Variants in KCNIP4 observed in about 807,000 individuals in gnomAD.
KCNIP4 encodes the protein potassium voltage-gated channel interacting protein 4.
Under a neutral mutation model 34.0 loss-of-function variants are expected in KCNIP4, and 12 were observed. That is an observed-to-expected ratio of 0.35 (90% confidence interval 0.23 to 0.57). KCNIP4 has a LOEUF of 0.57. KCNIP4 is among the 20% of genes least tolerant of loss of function. The probability of loss-of-function intolerance (pLI) is 0.83; values close to 1 mark genes in which losing one functional copy is unlikely to be tolerated. For missense variants in KCNIP4, 238 were observed against 311.7 expected (o/e 0.76, Z 1.78); for synonymous variants, 124 against 102.2 (o/e 1.21, Z -1.29).
intron 1 of KCNIP4, among the ~76,000 whole-genome samples, chr4:21,801,751 AGCGCGT>A (rs1029625228): frequency 2.0e-5 from 3 of 152,002 alleles, no homozygotes; most frequent in African/African-American, 7.2e-5. Flanking sequence ...TGGGACTACC[AGCGCGT>A]GCCACCATGC....
At chr4:21,215,773 G>A (rs73109450) in intron 1 of KCNIP4, among the ~76,000 whole-genome samples, 4,401 of 152,202 alleles carry the variant, frequency 0.029, 213 homozygotes, top group African/African-American at 0.1. Flanking sequence ...TAAAATTAAA[G>A]GTTAAAGTCT....
chr4:21,745,041 G>A (rs1716678817), intron 1 of KCNIP4, among the ~76,000 whole-genome samples: 1 of 152,134 alleles, frequency 6.6e-6, no homozygotes, highest in African/African-American at 2.4e-5. Flanking sequence ...ACAGTGCCTT[G>A]CAGAGATGGC....
chr4:21,907,732 T>C (rs998027802), intron 1 of KCNIP4, among the ~76,000 whole-genome samples: 4 of 152,162 alleles, frequency 2.6e-5, no homozygotes, highest in Non-Finnish European at 4.4e-5. Flanking sequence ...TTTTAAATAT[T>C]TTTTCCATGT....
At chr4:21,300,756 T>G (rs1711579726) in intron 1 of KCNIP4, among the ~76,000 whole-genome samples, 1 of 152,144 alleles carries the variant, frequency 6.6e-6, no homozygotes, top group Non-Finnish European at 1.5e-5. Context: ...AGTCTAACCA[T>G]TATACTGTAT....
intron 1 of KCNIP4, among the ~76,000 whole-genome samples, chr4:21,517,221 A>G (rs1734839756): frequency 6.6e-6 from 1 of 152,122 alleles, no homozygotes; most frequent in Non-Finnish European, 1.5e-5. Flanking sequence ...AATGAGTACA[A>G]CATACTCAGA....
At chr4:21,628,507 GCAGTA>G (rs1445242815) in intron 1 of KCNIP4, among the ~76,000 whole-genome samples, 1 of 152,150 alleles carries the variant, frequency 6.6e-6, no homozygotes, top group Non-Finnish European at 1.5e-5. Context: ...AATACTAGTG[GCAGTA>G]CAGTAAAGTG....
In KCNIP4 at chr4:21,642,586, C is replaced by T. The variant is rs115889406; in HGVS notation, c.61+305985G>A. 7.4e-3 allele frequency among the ~76,000 whole-genome samples: 1,127 copies of T among 152,216 alleles called. 12 individuals are homozygous for T. The highest frequency in any genetic ancestry group is 0.025 in the African/African-American group (1,049 of 41,538). On this transcript the variant is annotated intron_variant, in intron 1 of 8. Transcript: ENST00000382152. ...CTCTATTTACTATTACAACTGATGA[C>T]CCATTAGCACAATTTTGCTTCCTGC...
At chr4:21,427,730 G>T (rs527594084) in intron 1 of KCNIP4, among the ~76,000 whole-genome samples, 1 of 152,160 alleles carries the variant, frequency 6.6e-6, no homozygotes, top group Non-Finnish European at 1.5e-5. Context: ...GCTAGGTCTT[G>T]ACATGATAGG....
intron 1 of KCNIP4, among the ~76,000 whole-genome samples, chr4:21,109,069 G>A (rs1211048090): frequency 7.4e-5 from 11 of 149,310 alleles, no homozygotes; most frequent in South Asian, 4.3e-4. Flanking sequence ...CACTTGAGGA[G>A]GCAGTCTGCC....
chr4:21,697,310 C>A (rs1712427416), intron 1 of KCNIP4: 3 of 1,418,048 alleles, frequency 2.1e-6, no homozygotes, highest in Non-Finnish European at 2.7e-6. Flanking sequence ...CTCTACTAGC[C>A]TCTACTAAAA....
intron 3 of KCNIP4, among the ~76,000 whole-genome samples, chr4:20,801,042 C>A (rs924641643): frequency 1.3e-5 from 2 of 152,060 alleles, no homozygotes; most frequent in African/African-American, 4.8e-5. Context: ...GAGAAAACAT[C>A]AAGTCACATA....
intron 1 of KCNIP4, among the ~76,000 whole-genome samples, chr4:21,920,918 C>T (rs1728906233): frequency 1.3e-5 from 2 of 151,226 alleles, no homozygotes; most frequent in African/African-American, 2.5e-5. Context: ...CTAGTTCTAC[C>T]TCGTGTTAAT....
chr4:20,851,376 T>C (rs1020433266), intron 2 of KCNIP4, among the ~76,000 whole-genome samples: 5 of 152,258 alleles, frequency 3.3e-5, no homozygotes, highest in African/African-American at 1.2e-4. Context: ...GTCCTTTTTA[T>C]GGCTGCATAG....
At chr4:21,026,918 C>A (rs948620411) in intron 1 of KCNIP4, among the ~76,000 whole-genome samples, 1 of 152,052 alleles carries the variant, frequency 6.6e-6, no homozygotes, top group Admixed American at 6.5e-5. Flanking sequence ...GAGACCTAGG[C>A]AAGAGTTGGA....
intron 1 of KCNIP4, among the ~76,000 whole-genome samples, chr4:21,257,373 C>A (rs1039995240): frequency 6.6e-6 from 1 of 152,022 alleles, no homozygotes; most frequent in Non-Finnish European, 1.5e-5. Context: ...TAAGTGTACC[C>A]CCCAGACAAG....
intron 4 of KCNIP4, among the ~76,000 whole-genome samples, chr4:20,750,881 C>A (rs1320729356): frequency 6.6e-6 from 1 of 151,770 alleles, no homozygotes; most frequent in East Asian, 1.9e-4. Context: ...TAACTTTTAA[C>A]CTTTATTGGG....
chr4:21,335,339 A>G (rs1463015888), intron 1 of KCNIP4, among the ~76,000 whole-genome samples: 1 of 152,106 alleles, frequency 6.6e-6, no homozygotes, highest in Non-Finnish European at 1.5e-5. Flanking sequence ...CTAAAATTTT[A>G]TAAAGAAATC....
intron 5 of KCNIP4, among the ~76,000 whole-genome samples, chr4:20,737,915 T>G (rs1372341810): frequency 1.3e-5 from 2 of 152,132 alleles, no homozygotes; most frequent in Non-Finnish European, 2.9e-5. Flanking sequence ...GAAGGTTGTT[T>G]GAGTCCAAGA....
Position 21,208,790 on chromosome 4 carries a change from T to C in KCNIP4, c.62-326081A>G, listed in dbSNP as rs567714776. Among the ~76,000 whole-genome samples, 23 of 152,332 alleles carry C rather than the reference T, an allele frequency of 1.5e-4. No individual in the cohort carries two copies. In the South Asian group the frequency reaches 4.6e-3, roughly 30 times the overall value. On this transcript the variant is annotated intron_variant, in intron 1 of 8. Transcript: ENST00000382152. ...TAATTTATAAAGGAAAGAGATTTAA[T>C]GGACTCATAGTTCAGCATGGCTCAG...
Sources: allele counts gnomAD v4.1 joint callset (sites outside exome capture counted in the v4.1 genomes callset), GRCh38; gene constraint gnomAD v4.1.1; transcripts MANE v1.5; gene names NCBI Gene and HGNC (gene_info 2026-07-23, HGNC 2026-07-21).